Variants in GALNT13 observed in about 807,000 individuals in gnomAD.
GALNT13 encodes UDP-GalNAc:polypeptide N-acetylgalactosaminyltransferase 13.
A neutral mutation model predicts 64.2 loss-of-function variants in GALNT13; 28 were observed. The observed-to-expected ratio is 0.44, with a 90% CI of 0.32 to 0.60. The LOEUF (loss-of-function observed/expected upper bound fraction) is 0.60. GALNT13 is among the 20% of genes least tolerant of loss of function. The probability of loss-of-function intolerance (pLI) is 0.05; values close to 1 mark genes in which losing one functional copy is unlikely to be tolerated. For missense variants in GALNT13, 577 were observed against 669.8 expected, an observed-to-expected ratio of 0.86 and a Z score of 1.53; for synonymous variants, 214 against 224.6, an observed-to-expected ratio of 0.95 and a Z score of 0.42.
Position 154,301,550 on chromosome 2 carries a change from A to T in GALNT13, c.1117A>T (p.Met373Leu), listed in dbSNP as rs978752133. 8.7e-6 allele frequency: 14 copies of T among 1,613,012 alleles called. No homozygotes were observed. The highest frequency in any genetic ancestry group is 1.1e-5 in the Non-Finnish European group (13 of 1,179,260). The part of the protein sequence containing the change: ...KNNRRLAEVW[M>L]DEFKDFFYII... ...CAACAGGAGACTGGCAGAAGTTTGG[A>T]TGGATGAATTTAAAGATTTCTTCTA... Residue 373 changes from methionine (M) to leucine (L), a missense_variant, in exon 9 of 13, where the codon ATG (methionine) becomes TTG (leucine). Transcript: ENST00000392825.
chr2:153,554,143 T>G, the GALNT13 span, among the ~76,000 whole-genome samples: 4 of 149,044 alleles, frequency 2.7e-5, no homozygotes, highest in African/African-American at 4.9e-5. Context: ...GGTGAAACCC[T>G]GTCTCTACTA....
At chr2:153,407,022 A>G in the GALNT13 span, among the ~76,000 whole-genome samples, 2 of 152,132 alleles carry the variant, frequency 1.3e-5, no homozygotes, top group African/African-American at 4.8e-5. Context: ...AAATATTAAG[A>G]ACAATTAAAA....
the GALNT13 span, among the ~76,000 whole-genome samples, chr2:153,825,562 A>C: frequency 6.6e-6 from 1 of 151,136 alleles, no homozygotes; most frequent in Non-Finnish European, 1.5e-5. Context: ...TTAGGAATGC[A>C]GGTATGACTT....
At chr2:154,166,570 A>G (rs1311002960) in intron 4 of GALNT13, among the ~76,000 whole-genome samples, 3 of 152,226 alleles carry the variant, frequency 2.0e-5, no homozygotes, top group Non-Finnish European at 2.9e-5. Flanking sequence ...ACAGTGTGGC[A>G]ATTCCTCAAG....
chr2:153,875,862 T>C (rs1251234960), intron 1 of GALNT13, among the ~76,000 whole-genome samples: 1 of 152,182 alleles, frequency 6.6e-6, no homozygotes, highest in East Asian at 1.9e-4. Flanking sequence ...TAATTTGCCT[T>C]ATTAGACATG....
the GALNT13 span, among the ~76,000 whole-genome samples, chr2:153,650,812 C>G: frequency 2.0e-5 from 3 of 152,114 alleles, no homozygotes; most frequent in African/African-American, 7.2e-5. Context: ...TAACTAAAGA[C>G]TGTTTTAAAT....
chr2:153,605,067 G>A, the GALNT13 span, among the ~76,000 whole-genome samples: 1 of 152,042 alleles, frequency 6.6e-6, no homozygotes, highest in Non-Finnish European at 1.5e-5. Flanking sequence ...TTTCCAGTTT[G>A]ACAACTTTCT....
the GALNT13 span, among the ~76,000 whole-genome samples, chr2:153,734,403 A>G: frequency 9.8e-5 from 15 of 152,300 alleles, no homozygotes; most frequent in African/African-American, 3.6e-4. Context: ...CAAAACACAG[A>G]TCTGATAAGT....
chr2:153,194,654 C>T, the GALNT13 span, among the ~76,000 whole-genome samples: 2 of 152,000 alleles, frequency 1.3e-5, no homozygotes, highest in East Asian at 3.9e-4. Flanking sequence ...TTGCTTTTTC[C>T]TGTTTCTTGT....
chr2:154,157,686 A>G (rs536853234), intron 4 of GALNT13, among the ~76,000 whole-genome samples: 2 of 152,302 alleles, frequency 1.3e-5, no homozygotes, highest in South Asian at 4.1e-4. Flanking sequence ...CTCTTGAGCC[A>G]TCTCCGTACC....
In GALNT13 at chr2:154,140,318, A is replaced by G; in HGVS notation, c.143-19A>G. 1 of 1,597,714 alleles carries G rather than the reference A, an allele frequency of 6.3e-7. No homozygotes were observed. The highest frequency in any genetic ancestry group is 8.6e-7 in the Non-Finnish European group (1 of 1,166,490). ...TCTGTGTGTTTGTATGTATGTCTGT[A>G]TCTCTGTATGTCTTACAGCTGTTAT... On this transcript the variant is annotated intron_variant, in intron 3 of 12. Transcript: ENST00000392825.
intron 4 of GALNT13, among the ~76,000 whole-genome samples, chr2:154,171,214 G>A (rs1159752202): frequency 1.3e-5 from 2 of 152,018 alleles, no homozygotes; most frequent in East Asian, 3.9e-4. Context: ...AAAGCAGAGA[G>A]GCTTCCATCC....
chr2:154,148,869 T>C (rs1475212080), intron 4 of GALNT13, among the ~76,000 whole-genome samples: 3 of 152,166 alleles, frequency 2.0e-5, no homozygotes, highest in South Asian at 4.1e-4. Context: ...TTCTCCCATT[T>C]TGTAGGTTGC....
the GALNT13 span, among the ~76,000 whole-genome samples, chr2:153,116,794 C>CTTTTTTTTTTTTT: frequency 1.2e-5 from 1 of 82,466 alleles, no homozygotes. Flanking sequence ...GTGTTGTCTT[C>CTTTTTTTTTTTTT]TTTTTTTTTT....
intron 9 of GALNT13, among the ~76,000 whole-genome samples, chr2:154,355,934 G>A (rs933642441): frequency 3.3e-5 from 5 of 151,952 alleles, no homozygotes; most frequent in Admixed American, 3.3e-4. Flanking sequence ...CTTTCTTCCT[G>A]CCAGTATCTT....
the GALNT13 span, among the ~76,000 whole-genome samples, chr2:153,429,230 G>T: frequency 6.6e-6 from 1 of 152,116 alleles, no homozygotes; most frequent in East Asian, 1.9e-4. Context: ...AGAAGACTCA[G>T]TCAAAATATT....
At chr2:153,300,774 A>G in the GALNT13 span, among the ~76,000 whole-genome samples, 1 of 152,216 alleles carries the variant, frequency 6.6e-6, no homozygotes, top group Admixed American at 6.5e-5. Context: ...TTTTGGAAAG[A>G]TGAATGACGT....
the GALNT13 span, among the ~76,000 whole-genome samples, chr2:153,254,043 G>C: frequency 5.3e-5 from 8 of 152,126 alleles, no homozygotes; most frequent in African/African-American, 1.9e-4. Context: ...AGAAGGAATG[G>C]TACCAGTTCC....
intron 3 of GALNT13, among the ~76,000 whole-genome samples, chr2:154,070,666 C>T (rs1481706039): frequency 2.0e-5 from 3 of 151,896 alleles, no homozygotes; most frequent in African/African-American, 7.3e-5. Context: ...ACCTTTAATC[C>T]CAGCACTTTG....
Sources: gnomAD v4.1 joint callset for allele counts (sites outside exome capture counted in the v4.1 genomes callset) on GRCh38, gnomAD v4.1.1 for gene constraint, MANE v1.5 for transcripts, NCBI Gene and HGNC (gene_info 2026-07-23, HGNC 2026-07-21) for gene names.